COMMD1: variants seen among roughly 807,000 people sequenced by gnomAD.
The protein encoded by COMMD1 is copper metabolism domain containing 1.
COMMD1 carries 10 observed loss-of-function variants against 17.2 expected under a neutral mutation model. The observed-to-expected ratio is 0.58, with a 90% CI of 0.36 to 0.99. The LOEUF (loss-of-function observed/expected upper bound fraction) is 0.99. COMMD1 is among the 50% of genes least tolerant of loss of function. The pLI is 0.01. For synonymous variants in COMMD1, 97 were observed against 91.6 expected, an observed-to-expected ratio of 1.06 and a Z score of -0.34; for missense variants, 270 against 231.8, an observed-to-expected ratio of 1.17 and a Z score of -1.07.
At chr2:62,122,262 G>A (rs1281999784) in intron 2 of COMMD1, among the ~76,000 whole-genome samples, 4 of 152,094 alleles carry the variant, frequency 2.6e-5, no homozygotes, top group East Asian at 1.9e-4. Context: ...AAATCAATAC[G>A]GAATCAGGTA....
At chr2:62,097,702 A>G (rs1008482095) in intron 2 of COMMD1, among the ~76,000 whole-genome samples, 2 of 152,204 alleles carry the variant, frequency 1.3e-5, no homozygotes, top group African/African-American at 4.8e-5. Context: ...TTTAAAGGCT[A>G]TAATAAGAGA....
intron 2 of COMMD1, among the ~76,000 whole-genome samples, chr2:62,004,983 C>G (rs1346218047): frequency 6.6e-6 from 1 of 152,154 alleles, no homozygotes; most frequent in Admixed American, 6.5e-5. Context: ...TACCCCAGGG[C>G]AACTAAAGTA....
chr2:62,023,439 A>G (rs1238680319), intron 2 of COMMD1, among the ~76,000 whole-genome samples: 1 of 152,142 alleles, frequency 6.6e-6, no homozygotes, highest in Non-Finnish European at 1.5e-5. Flanking sequence ...GCCTAAAGAA[A>G]CAACCCAAGA....
intron 2 of COMMD1, among the ~76,000 whole-genome samples, chr2:62,128,116 T>A (rs1454996047): frequency 1.3e-5 from 2 of 149,700 alleles, no homozygotes; most frequent in Non-Finnish European, 3.0e-5. Context: ...TCATTTGAGA[T>A]CAGAAATTCA....
At chr2:62,048,752 G>A in intron 2 of COMMD1, among the ~76,000 whole-genome samples, 1 of 151,676 alleles carries the variant, frequency 6.6e-6, no homozygotes, top group African/African-American at 2.4e-5. Flanking sequence ...TAAGTCCCTG[G>A]CCTTGGAAAA....
At chr2:62,048,182 C>CTTTT (rs67195629) in intron 2 of COMMD1, among the ~76,000 whole-genome samples, 5 of 127,252 alleles carry the variant, frequency 3.9e-5, no homozygotes, top group African/African-American at 6.1e-5. Context: ...AACTAAATTT[C>CTTTT]TTTTTTTTTT....
chr2:62,112,542 G>A (rs557700929), intron 2 of COMMD1, among the ~76,000 whole-genome samples: 5 of 152,286 alleles, frequency 3.3e-5, no homozygotes, highest in Admixed American at 2.6e-4. Context: ...GTCAAGGGAC[G>A]GGGTATGTGT....
chr2:62,082,300 C>T (rs1210097357), intron 2 of COMMD1, among the ~76,000 whole-genome samples: 2 of 152,192 alleles, frequency 1.3e-5, no homozygotes, highest in East Asian at 1.9e-4. Context: ...TAAATGTTCT[C>T]ATACTGCATT....
At chr2:61,986,870 CTT>C (rs1272434315) in intron 1 of COMMD1, among the ~76,000 whole-genome samples, 1 of 152,024 alleles carries the variant, frequency 6.6e-6, no homozygotes, top group African/African-American at 2.4e-5. Flanking sequence ...TGCCCAGCCT[CTT>C]TTTCTTTTTT....
At chr2:62,062,484 T>C (rs1238540380) in intron 2 of COMMD1, among the ~76,000 whole-genome samples, 1 of 152,138 alleles carries the variant, frequency 6.6e-6, no homozygotes, top group Non-Finnish European at 1.5e-5. Context: ...CAGCTCGGCC[T>C]CCCAAAGTGC....
At chr2:62,053,981 C>A (rs1268004651) in intron 2 of COMMD1, among the ~76,000 whole-genome samples, 2 of 151,996 alleles carry the variant, frequency 1.3e-5, no homozygotes, top group African/African-American at 4.8e-5. Flanking sequence ...CAAAAATACA[C>A]AAAGAACTTA....
chr2:62,094,381 G>A (rs1671939544), intron 2 of COMMD1, among the ~76,000 whole-genome samples: 1 of 152,194 alleles, frequency 6.6e-6, no homozygotes, highest in African/African-American at 2.4e-5. Flanking sequence ...TAAGGTGGCT[G>A]CAGCCAGTAT....
At chr2:61,923,766 T>C (rs2105197319) in intron 1 of COMMD1, among the ~76,000 whole-genome samples, 1 of 151,896 alleles carries the variant, frequency 6.6e-6, no homozygotes, top group South Asian at 2.1e-4. Flanking sequence ...TTAGAAAGAG[T>C]TTTTTTGTTT....
intron 1 of COMMD1, among the ~76,000 whole-genome samples, chr2:61,935,633 A>G (rs755979866): frequency 2.7e-5 from 4 of 149,530 alleles, no homozygotes; most frequent in Non-Finnish European, 6.0e-5. Context: ...CTCTGTTTCA[A>G]AAAAAAAAAG....
chr2:62,116,940 A>G (rs1409365736), intron 2 of COMMD1, among the ~76,000 whole-genome samples: 19 of 150,994 alleles, frequency 1.3e-4, no homozygotes, highest in Admixed American at 2.0e-4. Context: ...GGTTGTGGTG[A>G]GCCGAGATCG....
chr2:62,018,430 T>G (rs1413132309), intron 2 of COMMD1, among the ~76,000 whole-genome samples: 5 of 152,214 alleles, frequency 3.3e-5, no homozygotes, highest in Admixed American at 3.3e-4. Flanking sequence ...AGTTTTTCCA[T>G]TAATATTCCC....
chr2:61,963,489 G>A (rs1034020711), intron 1 of COMMD1, among the ~76,000 whole-genome samples: 1 of 152,054 alleles, frequency 6.6e-6, no homozygotes, highest in South Asian at 2.1e-4. Flanking sequence ...CCTGAGTGGT[G>A]CACACCACCA....
intron 2 of COMMD1, among the ~76,000 whole-genome samples, chr2:62,063,868 A>AATAT (rs55740628): frequency 0.05 from 4,082 of 81,062 alleles, 349 homozygotes; most frequent in African/African-American, 0.11. Flanking sequence ...GTCTCTACAA[A>AATAT]ATATATATAT....
intron 2 of COMMD1, among the ~76,000 whole-genome samples, chr2:62,084,253 C>G (rs1288982373): frequency 6.6e-6 from 1 of 152,170 alleles, no homozygotes; most frequent in Non-Finnish European, 1.5e-5. Context: ...ATAATTTTGA[C>G]TTCTCAAAAA....
Sources: allele counts gnomAD v4.1 joint callset (sites outside exome capture counted in the v4.1 genomes callset), GRCh38; gene constraint gnomAD v4.1.1; transcripts MANE v1.5; gene names NCBI Gene and HGNC (gene_info 2026-07-23, HGNC 2026-07-21).